PYGB: variants seen among roughly 807,000 people sequenced by gnomAD.
The protein encoded by PYGB is glycogen phosphorylase, brain form.
A neutral mutation model predicts 94.3 loss-of-function variants in PYGB; 82 were observed. The ratio of observed to expected loss-of-function variants is 0.87; its 90% CI spans 0.73 to 1.04. The LOEUF is 1.04. Ranked by LOEUF, PYGB falls within the 50% of genes least tolerant of loss-of-function variation. The pLI, the probability that PYGB is intolerant of heterozygous loss-of-function variation, is 0.00. For synonymous variants in PYGB, 488 were observed against 479.1 expected (o/e 1.02, Z -0.24); for missense variants, 1,132 against 1,158.2 (o/e 0.98, Z 0.33).
chr20:25,288,290 G>A lies in PYGB; in HGVS notation c.1769-135G>A, dbSNP rs781123981. On this transcript the variant is annotated intron_variant, in intron 14 of 19. Transcript: ENST00000216962. ...CAGTGGCCCTGTGCCACTGTCACCC[G>A]TGTCTCTGGGGCTTGAAGTACATGG... 1.3e-4 allele frequency: 133 copies of A among 1,014,910 alleles called. No individual in the cohort carries two copies. In the South Asian group the frequency reaches 1.5e-3, roughly 11 times the overall value. 62.9% of individuals were successfully genotyped at this position (1,014,910 alleles called of 1,614,324 possible).
At position 25,277,267 on chromosome 20, in the gene PYGB, G is replaced by C; in HGVS notation, c.796G>C (p.Ala266Pro). Residue 266 changes from alanine to proline, a missense_variant, in exon 7 of 20, where the codon GCG (alanine) becomes CCG (proline). Physicochemically the swap from Ala to Pro is conservative, Grantham distance 27. Transcript: ENST00000216962. ...QDFNVGDYIE[A>P]VLDRNLAENI... ...AGTCAACGTGGGAGACTACATCGAG[G>C]CGGTCCTGGACCGGAACTTGGCTGA... 6.3e-7 allele frequency: 1 copy of C among 1,578,762 alleles called. No individual in the cohort carries two copies. The highest frequency in any genetic ancestry group is 8.7e-7 in the Non-Finnish European group (1 of 1,147,886).
At chr20:25,283,931 C>T (rs2088393027) in intron 13 of PYGB, among the ~76,000 whole-genome samples, 173 bp from the exon 14 acceptor site, 1 of 152,102 alleles carries the variant, frequency 6.6e-6, no homozygotes, top group Admixed American at 6.5e-5. Flanking sequence ...TCCCCCTCTC[C>T]CCTTTTCCCA....
At chr20:25,290,032 G>A (rs886885709) in intron 15 of PYGB, 6 of 487,882 alleles carry the variant, frequency 1.2e-5, no homozygotes, top group African/African-American at 5.9e-5. Flanking sequence ...TGGACTGGCC[G>A]TGGTGTCTCA....
At chr20:25,272,460 C>G (rs147900347) in intron 4 of PYGB, among the ~76,000 whole-genome samples, 1 of 152,190 alleles carries the variant, frequency 6.6e-6, no homozygotes. Context: ...ACACGCACAG[C>G]GATGCGTTTA....
chr20:25,287,536 C>T (rs1439317517), intron 14 of PYGB, among the ~76,000 whole-genome samples: 1 of 152,098 alleles, frequency 6.6e-6, no homozygotes, highest in African/African-American at 2.4e-5. Flanking sequence ...GTAGTCGCAT[C>T]TACTTGGGAG....
At position 25,276,605 on chromosome 20, in the gene PYGB, G is replaced by A. The variant is rs376405810; in HGVS notation, c.661-41G>A. The A allele has an allele frequency of 4.5e-6, 7 of 1,556,082 alleles. No individual in the cohort carries two copies. In the Admixed American group the frequency reaches 1.2e-4, roughly 26 times the overall value. The stretch of plus-strand genomic sequence containing the variant: ...GGGAGAGGCACAGGGGCCGGCGGGG[G>A]CCCTTGCCACTCCGTCCTGAGCAAC... On this transcript the variant is annotated intron_variant, in intron 5 of 19. Coordinates refer to ENST00000216962, the MANE Select transcript of PYGB (RefSeq NM_002862.4).
At chr20:25,257,108 C>T (rs1048577447) in intron 1 of PYGB, among the ~76,000 whole-genome samples, 5 of 152,186 alleles carry the variant, frequency 3.3e-5, no homozygotes, top group African/African-American at 1.2e-4. Flanking sequence ...TTGGCCAGCT[C>T]CTCCAGCAAG....
intron 1 of PYGB, among the ~76,000 whole-genome samples, chr20:25,257,599 C>T (rs6050490): frequency 0.065 from 9,887 of 152,126 alleles, 990 homozygotes; most frequent in African/African-American, 0.22. Flanking sequence ...GAGGCTGAGA[C>T]GCGAGGATCA....
intron 16 of PYGB, among the ~76,000 whole-genome samples, chr20:25,291,372 C>T (rs892761675): frequency 2.6e-5 from 4 of 152,008 alleles, no homozygotes; most frequent in East Asian, 1.9e-4. Context: ...CCCCTCCTGC[C>T]GCCGAGGGCC....
At chr20:25,269,300 G>A in intron 3 of PYGB, 93 bp downstream of exon 3, 1 of 1,056,404 alleles carries the variant, frequency 9.5e-7, no homozygotes, top group Non-Finnish European at 1.4e-6. Flanking sequence ...TTGGCCTCAG[G>A]GTAAATTGGC....
In PYGB at chr20:25,277,311, G is replaced by C. The variant is rs749516060; in HGVS notation, c.840G>C (p.Leu280=). The C allele has an allele frequency of 6.4e-7, 1 of 1,568,086 alleles. No individual in the cohort carries two copies. Among genetic ancestry groups the C allele is most frequent in the Non-Finnish European group, 8.8e-7 (1 of 1,138,154 alleles). ...RNLAENISRV[L]YPNDNFFEGK... ...TGGCTGAGAACATCTCCAGGGTCCT[G>C]TATCCAAATGATAACGTGAGTAGCT... Residue 280 remains leucine (L), a synonymous_variant, in exon 7 of 20, where the codon CTG becomes CTC. Transcript: ENST00000216962.
At chr20:25,292,977 G>C (rs2088484093) in intron 17 of PYGB, among the ~76,000 whole-genome samples, 1 of 152,146 alleles carries the variant, frequency 6.6e-6, no homozygotes. Flanking sequence ...GGCTGGGGCT[G>C]GGCAGGACCC....
chr20:25,265,592 AT>A (rs34336965), intron 2 of PYGB, among the ~76,000 whole-genome samples: 47,528 of 119,400 alleles, frequency 0.4, 7,604 homozygotes, highest in East Asian at 0.83. Flanking sequence ...TTGTTGTTGA[AT>A]TTTTTTTTTT....
At chr20:25,271,697 G>C (rs2088270057) in intron 4 of PYGB, among the ~76,000 whole-genome samples, 1 of 152,180 alleles carries the variant, frequency 6.6e-6, no homozygotes, top group South Asian at 2.1e-4. Flanking sequence ...TGAGCTTTTT[G>C]CCAGCTGCCT....
At chr20:25,295,771 C>T in intron 19 of PYGB, 101 bp downstream of exon 19, 1 of 1,358,238 alleles carries the variant, frequency 7.4e-7, no homozygotes, top group Non-Finnish European at 1.0e-6. Context: ...GATTCTTGGC[C>T]TGGGCCAGAG....
At chr20:25,287,509 G>T (rs1407414302) in intron 14 of PYGB, among the ~76,000 whole-genome samples, 1 of 152,116 alleles carries the variant, frequency 6.6e-6, no homozygotes, top group Non-Finnish European at 1.5e-5. Context: ...GCTGCATGTG[G>T]TAACCTGTCG....
chr20:25,272,399 C>T (rs1568689570), intron 4 of PYGB, among the ~76,000 whole-genome samples: 1 of 152,204 alleles, frequency 6.6e-6, no homozygotes, highest in Non-Finnish European at 1.5e-5. Context: ...TCATGTATCT[C>T]ACCATGGAGA....
intron 3 of PYGB, among the ~76,000 whole-genome samples, chr20:25,270,541 A>C (rs2088258196): frequency 6.6e-6 from 1 of 152,144 alleles, no homozygotes; most frequent in African/African-American, 2.4e-5. Context: ...CACTGTGCCC[A>C]GGCTGGAGTG....
chr20:25,291,925 C>T (rs1209441586), intron 16 of PYGB, among the ~76,000 whole-genome samples: 6 of 151,982 alleles, frequency 3.9e-5, no homozygotes, highest in South Asian at 2.1e-4. Flanking sequence ...AGCGCAGGGC[C>T]GTGGCATCTG....
Sources: gnomAD v4.1 joint callset for allele counts (sites outside exome capture counted in the v4.1 genomes callset) on GRCh38, gnomAD v4.1.1 for gene constraint, MANE v1.5 for transcripts, NCBI Gene and HGNC (gene_info 2026-07-23, HGNC 2026-07-21) for gene names.